CDH12: variants seen among roughly 807,000 people sequenced by gnomAD.
CDH12 encodes the protein cadherin 12, also known as cadherin-12.
A neutral mutation model predicts 74.1 loss-of-function variants in CDH12; 41 were observed. The observed-to-expected ratio is 0.55, with a 90% CI of 0.43 to 0.72. CDH12 has a LOEUF of 0.72. CDH12 is among the 30% of genes least tolerant of loss of function. The pLI is 0.00. For missense variants in CDH12, 945 were observed against 977.2 expected (o/e 0.97, Z 0.44); for synonymous variants, 399 against 355.0 (o/e 1.12, Z -1.39).
rs185892241 is a variant in CDH12, at chr5:21,921,237, C to T, written c.526+53854G>A. ...ATTATATGGCTATGAGTGGCATGAT[C>T]CTAAATTTTTTTAAGCCTTAAAATC... On this transcript the variant is annotated intron_variant, in intron 6 of 14. Coordinates refer to ENST00000382254, the MANE Select transcript of CDH12 (RefSeq NM_004061.5). Among the ~76,000 whole-genome samples the T allele has an allele frequency of 1.5e-3, 232 of 152,194 alleles. No homozygotes were observed. The South Asian group carries it at 0.016, about 11-fold the overall frequency.
chr5:22,370,337 T>G (rs561744399), intron 3 of CDH12, among the ~76,000 whole-genome samples: 1 of 152,120 alleles, frequency 6.6e-6, no homozygotes, highest in African/African-American at 2.4e-5. Flanking sequence ...CACTCCCAAG[T>G]TGCTTGGACT....
chr5:22,296,264 G>T (rs1312553443), intron 3 of CDH12, among the ~76,000 whole-genome samples: 1 of 151,978 alleles, frequency 6.6e-6, no homozygotes. Flanking sequence ...CAGGGCACAT[G>T]AACTAATTTG....
At chr5:21,851,971 A>C (rs1453517907) in intron 7 of CDH12, among the ~76,000 whole-genome samples, 3 of 151,396 alleles carry the variant, frequency 2.0e-5, no homozygotes, top group Non-Finnish European at 4.4e-5. Flanking sequence ...CTACACTCAA[A>C]TGTGGAAAAT....
intron 1 of CDH12, among the ~76,000 whole-genome samples, chr5:22,742,183 A>G (rs1458553715): frequency 6.6e-6 from 1 of 151,230 alleles, no homozygotes; most frequent in East Asian, 1.9e-4. Context: ...CTCCATTTCA[A>G]AAAAAAAGAA....
chr5:22,756,009 G>T (rs1355652625), intron 1 of CDH12, among the ~76,000 whole-genome samples: 1 of 144,808 alleles, frequency 6.9e-6, no homozygotes, highest in Admixed American at 7.2e-5. Flanking sequence ...TAAAACTCTT[G>T]ATGCTGTAAA....
At chr5:22,429,593 G>A (rs1744082628) in intron 2 of CDH12, among the ~76,000 whole-genome samples, 1 of 152,002 alleles carries the variant, frequency 6.6e-6, no homozygotes, top group Admixed American at 6.6e-5. Context: ...TCATTTCCAT[G>A]GTAGCACTGT....
intron 6 of CDH12, among the ~76,000 whole-genome samples, chr5:21,935,636 A>C (rs535285470): frequency 8.6e-4 from 131 of 152,308 alleles, no homozygotes; most frequent in Middle Eastern, 6.8e-3. Context: ...TGTACAATTA[A>C]ATTATTTTTG....
At chr5:22,419,238 T>G (rs746405249) in intron 2 of CDH12, among the ~76,000 whole-genome samples, 1 of 152,046 alleles carries the variant, frequency 6.6e-6, no homozygotes, top group Non-Finnish European at 1.5e-5. Context: ...GTTTGCTGCA[T>G]CTATCAACCC....
chr5:22,113,806 T>C (rs996435269), intron 4 of CDH12, among the ~76,000 whole-genome samples: 1 of 152,166 alleles, frequency 6.6e-6, no homozygotes, highest in African/African-American at 2.4e-5. Context: ...TCTCTCTGCT[T>C]TTCCTCTTTG....
At chr5:22,237,252 G>A (rs957050675) in intron 3 of CDH12, among the ~76,000 whole-genome samples, 17 of 152,068 alleles carry the variant, frequency 1.1e-4, no homozygotes, top group Non-Finnish European at 2.4e-4. Flanking sequence ...CTGCAATGTT[G>A]TTATGTGGTG....
intron 1 of CDH12, among the ~76,000 whole-genome samples, chr5:22,782,360 C>T (rs1180870859): frequency 1.3e-5 from 2 of 152,018 alleles, no homozygotes; most frequent in Non-Finnish European, 2.9e-5. Context: ...GTGGTTTCCC[C>T]CGTGCTGTTC....
chr5:22,456,244 A>ATATGTGTGTGTG (rs1216988478), intron 2 of CDH12, among the ~76,000 whole-genome samples: 8 of 147,286 alleles, frequency 5.4e-5, no homozygotes, highest in African/African-American at 2.0e-4. Flanking sequence ...GTCTATATAT[A>ATATGTGTGTGTG]TGTGTGTGTG....
chr5:22,770,587 A>G lies in CDH12; in HGVS notation c.-523+82471T>C, dbSNP rs140885895. Among the ~76,000 whole-genome samples the G allele has an allele frequency of 2.8e-3, 426 of 152,246 alleles. 3 individuals are homozygous for G. The highest frequency in any genetic ancestry group is 0.01 in the African/African-American group (417 of 41,568). On this transcript the variant is annotated intron_variant, in intron 1 of 14. Transcript: ENST00000382254. ...GCTAATTTATTTGCTTCCTTTGGCT[A>G]CATGGTATCATTTAAAGAAAAGAAA...
At chr5:22,077,443 G>A (rs934017254) in intron 5 of CDH12, among the ~76,000 whole-genome samples, 31 of 152,094 alleles carry the variant, frequency 2.0e-4, no homozygotes, top group African/African-American at 7.5e-4. Context: ...CAAGGGATTT[G>A]CTGCTCAAGA....
intron 3 of CDH12, among the ~76,000 whole-genome samples, chr5:22,391,455 T>A (rs1175170857): frequency 6.6e-6 from 1 of 152,248 alleles, no homozygotes; most frequent in Non-Finnish European, 1.5e-5. Flanking sequence ...TAGCTTTTTT[T>A]AATGTTGAGG....
chr5:22,619,271 A>G (rs1737850866), intron 1 of CDH12, among the ~76,000 whole-genome samples: 1 of 152,070 alleles, frequency 6.6e-6, no homozygotes, highest in Non-Finnish European at 1.5e-5. Context: ...CAGAAAACTC[A>G]GCATAATTAT....
In CDH12 at chr5:22,308,853, CAGAG is replaced by C. The variant is rs141870636; in HGVS notation, c.-332-96214_-332-96211del. On this transcript the variant is annotated intron_variant, in intron 3 of 14. Transcript: ENST00000382254. ...ACACACACACACACACACATACACA[CAGAG>C]AGAGAGAGAGAGGAGAGAGAGAGAG... Among the ~76,000 whole-genome samples, 101 of 135,882 alleles carry C rather than the reference CAGAG, an allele frequency of 7.4e-4. 1 individual carries two copies. Among genetic ancestry groups the C allele is most frequent in the South Asian group, 2.5e-3 (11 of 4,328 alleles). The allele number at this position is 135,882 out of a possible 152,430, so 89.1% of individuals were successfully genotyped here.
chr5:22,129,748 A>G (rs955466640), intron 4 of CDH12, among the ~76,000 whole-genome samples: 1 of 152,034 alleles, frequency 6.6e-6, no homozygotes, highest in African/African-American at 2.4e-5. Context: ...GCAATAAAAT[A>G]TATATTCTGA....
Position 21,978,410 on chromosome 5 carries a change from T to G in CDH12, c.232-3025A>C, listed in dbSNP as rs1254201982. 3.3e-5 allele frequency among the ~76,000 whole-genome samples: 5 copies of G among 152,298 alleles called. No homozygotes were observed. In the East Asian group the frequency reaches 9.7e-4, roughly 29 times the overall value. On this transcript the variant is annotated intron_variant, in intron 5 of 14. Coordinates refer to ENST00000382254, the MANE Select transcript of CDH12 (RefSeq NM_004061.5). Reference sequence around the variant, plus strand: ...CGCCCGCCTCAGCCTCCCAAAGGGCTGGGATTATCGGCATGAGCCACTGCG... The same window carrying G: ...CGCCCGCCTCAGCCTCCCAAAGGGCGGGGATTATCGGCATGAGCCACTGCG...
Sources: allele counts gnomAD v4.1 joint callset (sites outside exome capture counted in the v4.1 genomes callset), GRCh38; gene constraint gnomAD v4.1.1; transcripts MANE v1.5; gene names NCBI Gene and HGNC (gene_info 2026-07-23, HGNC 2026-07-21).